The following FGFR2 variants were observed in gnomAD, a reference collection of about 807,000 sequenced individuals.
FGFR2 encodes fibroblast growth factor receptor 2, also known as BEK fibroblast growth factor receptor.
In FGFR2, 19 loss-of-function variants were observed where a neutral mutation model predicts 95.9. That is an observed-to-expected ratio of 0.20 (90% CI 0.14 to 0.29). FGFR2 has a LOEUF of 0.29. Among genes scored for constraint, FGFR2 ranks in the 10% least tolerant of loss-of-function variants. The pLI, the probability that FGFR2 is intolerant of heterozygous loss-of-function variation, is 1.00. For synonymous variants in FGFR2, 392 were observed against 393.3 expected (o/e 1.00, Z 0.04); for missense variants, 707 against 1,056.9 (o/e 0.67, Z 4.59).
At position 121,593,861 on chromosome 10, in the gene FGFR2, G is replaced by A. The variant is rs1436412564; in HGVS notation, c.-44C>T. On this transcript the variant is annotated 5_prime_UTR_variant, in exon 2 of 18. Coordinates refer to ENST00000358487, the MANE Select transcript of FGFR2 (RefSeq NM_000141.5). ...CGGTCCTCTTCCATATCTCCATGTGGACGTTAATCCCATCTGCACACTTCC... is the reference window on the plus strand; with the variant it reads ...CGGTCCTCTTCCATATCTCCATGTGAACGTTAATCCCATCTGCACACTTCC... The A allele has an allele frequency of 6.4e-7, 1 of 1,555,888 alleles. No homozygotes were observed. Among genetic ancestry groups the A allele is most frequent in the Non-Finnish European group, 8.9e-7 (1 of 1,126,884 alleles).
At chr10:121,524,795 C>T (rs992443385) in intron 6 of FGFR2, among the ~76,000 whole-genome samples, 2 of 152,256 alleles carry the variant, frequency 1.3e-5, no homozygotes, top group East Asian at 1.9e-4. Flanking sequence ...ACAAAGGGGA[C>T]GATGACCCAA....
At chr10:121,536,186 C>A (rs1373312440) in intron 6 of FGFR2, among the ~76,000 whole-genome samples, 1 of 152,176 alleles carries the variant, frequency 6.6e-6, no homozygotes, top group African/African-American at 2.4e-5. Flanking sequence ...CAACCCTGTA[C>A]GTCTATATGA....
chr10:121,539,390 C>T (rs1272362357), intron 5 of FGFR2, among the ~76,000 whole-genome samples: 1 of 152,202 alleles, frequency 6.6e-6, no homozygotes, highest in Admixed American at 6.5e-5. Context: ...TATATCCGTC[C>T]GTTCACAAAC....
chr10:121,510,363 A>C (rs755484688), intron 9 of FGFR2, among the ~76,000 whole-genome samples: 6 of 152,284 alleles, frequency 3.9e-5, no homozygotes, highest in African/African-American at 1.4e-4. Flanking sequence ...AGGCTGAGAG[A>C]GGAGAAAAGG....
At chr10:121,577,796 G>A (rs979534074) in intron 2 of FGFR2, among the ~76,000 whole-genome samples, 3 of 152,024 alleles carry the variant, frequency 2.0e-5, no homozygotes, top group African/African-American at 7.3e-5. Flanking sequence ...TGCCCGGGGG[G>A]AGGAAATACA....
chr10:121,560,615 CA>C (rs34753296), intron 4 of FGFR2, among the ~76,000 whole-genome samples: 1,270 of 51,746 alleles, frequency 0.025, 6 homozygotes, highest in African/African-American at 0.073. Context: ...ACTCCGTCCC[CA>C]AAAAAAAAAA....
rs770654393 is a variant in FGFR2 at position 121,593,710 on chromosome 10, T to C, written c.108A>G (p.Glu36=). 5.6e-6 allele frequency: 9 copies of C among 1,613,592 alleles called. No individual in the cohort carries two copies. The Admixed American group carries it at 1.5e-4, about 27-fold the overall frequency. ...SLVEDTTLEP[E]EPPTKYQISQ... is the part of the protein sequence containing the mutation. ...GAAAAGTGAAATTAAATGACTTACC[T>C]TCTGGCTCTAATGTGGTATCCTCAA... Residue 36 remains glutamate, a splice_region_variant and synonymous_variant, in exon 2 of 18, where the codon GAA becomes GAG. Coordinates refer to ENST00000358487, the MANE Select transcript of FGFR2 (RefSeq NM_000141.5).
intron 2 of FGFR2, among the ~76,000 whole-genome samples, chr10:121,587,207 C>A (rs1427761245): frequency 6.6e-6 from 1 of 152,152 alleles, no homozygotes; most frequent in Admixed American, 6.5e-5. Context: ...TAGCCACATG[C>A]AGAAGATTGA....
intron 9 of FGFR2, 106 bp from the exon 10 acceptor site, chr10:121,504,047 TG>T: frequency 7.1e-7 from 1 of 1,399,182 alleles, no homozygotes. Context: ...AGGAATGGGT[TG>T]GGGGCTGGCA....
chr10:121,495,811 A>G (rs41293771), intron 13 of FGFR2, among the ~76,000 whole-genome samples: 17 of 152,204 alleles, frequency 1.1e-4, no homozygotes, highest in Admixed American at 4.6e-4. Context: ...TCTGCACAGG[A>G]GGCAGCTCCG....
intron 11 of FGFR2, 91 bp from the exon 12 acceptor site, chr10:121,498,696 A>G: frequency 9.5e-7 from 1 of 1,050,746 alleles, no homozygotes; most frequent in East Asian, 2.4e-5. Context: ...TTGAAACAGC[A>G]TGAAATTGAA....
chr10:121,597,854 C>T, intron 1 of FGFR2, 108 bp downstream of exon 1: 3 of 376,762 alleles, frequency 8.0e-6, no homozygotes, highest in Non-Finnish European at 1.4e-5. Context: ...CAATGCTAGT[C>T]CTTCCGCGCC....
intron 5 of FGFR2, among the ~76,000 whole-genome samples, chr10:121,545,480 G>A (rs1854363518): frequency 6.6e-6 from 1 of 152,194 alleles, no homozygotes; most frequent in Non-Finnish European, 1.5e-5. Context: ...GAAGGACTGA[G>A]CAACTTGCTC....
chr10:121,503,397 C>T (rs1847855195), intron 10 of FGFR2, among the ~76,000 whole-genome samples: 2 of 152,224 alleles, frequency 1.3e-5, no homozygotes, highest in African/African-American at 4.8e-5. Context: ...TTATATTCTG[C>T]ATCTAATTTC....
intron 11 of FGFR2, among the ~76,000 whole-genome samples, chr10:121,499,109 C>T (rs1156645553): frequency 6.6e-6 from 1 of 152,178 alleles, no homozygotes; most frequent in East Asian, 1.9e-4. Flanking sequence ...TGTGCATGTG[C>T]ATTCTGAGCA....
chr10:121,595,456 G>T (rs539944835), intron 1 of FGFR2, among the ~76,000 whole-genome samples: 1 of 152,262 alleles, frequency 6.6e-6, no homozygotes, highest in African/African-American at 2.4e-5. Context: ...CGGTGTGTGT[G>T]CGTGCATGGT....
chr10:121,580,296 G>A (rs552035411), intron 2 of FGFR2, among the ~76,000 whole-genome samples: 14 of 152,290 alleles, frequency 9.2e-5, no homozygotes, highest in Non-Finnish European at 7.3e-5. Flanking sequence ...GCAGGATCTC[G>A]GTTCCAACAC....
At chr10:121,513,678 C>G (rs1051737072) in intron 9 of FGFR2, among the ~76,000 whole-genome samples, 2 of 152,114 alleles carry the variant, frequency 1.3e-5, no homozygotes, top group African/African-American at 4.8e-5. Flanking sequence ...GAAAGATAAT[C>G]ATGTCACTCA....
At chr10:121,512,525 T>G (rs541784282) in intron 9 of FGFR2, among the ~76,000 whole-genome samples, 10 of 152,316 alleles carry the variant, frequency 6.6e-5, no homozygotes, top group Non-Finnish European at 1.0e-4. Flanking sequence ...CAATTACATT[T>G]TCTTTTTTTT....
Sources: gnomAD v4.1 joint callset for allele counts (sites outside exome capture counted in the v4.1 genomes callset) on GRCh38, gnomAD v4.1.1 for gene constraint, MANE v1.5 for transcripts, NCBI Gene and HGNC (gene_info 2026-07-23, HGNC 2026-07-21) for gene names.